Variants in FAM86B2 observed in about 807,000 individuals in gnomAD.
FAM86B2 encodes the protein putative protein N-methyltransferase FAM86B2.
FAM86B2 carries 1 observed loss-of-function variant against 26.5 expected under a neutral mutation model. The observed-to-expected ratio is 0.04, with a 90% CI of 0.01 to 0.18. The LOEUF (loss-of-function observed/expected upper bound fraction) is 0.18, where lower values mean the gene tolerates loss of function less well. Ranked by LOEUF, FAM86B2 falls within the 10% of genes least tolerant of loss-of-function variation. The pLI, the probability that FAM86B2 is intolerant of heterozygous loss-of-function variation, is 1.00. For synonymous variants in FAM86B2, 11 were observed against 127.8 expected (o/e 0.09, Z 6.17); for missense variants, 43 against 303.5 (o/e 0.14, Z 6.38).
chr8:12,426,126 C>T, intron 7 of FAM86B2, 137 bp from the exon 8 acceptor site: 1 of 439,158 alleles, frequency 2.3e-6, no homozygotes. Context: ...TTCGGAGGCC[C>T]ACCCACATAC....
chr8:12,431,593 T>C (rs1798178569), intron 3 of FAM86B2, among the ~76,000 whole-genome samples: 1 of 81,264 alleles, frequency 1.2e-5, no homozygotes, highest in Non-Finnish European at 2.3e-5. Context: ...ATAAAATCCA[T>C]CCTATATCAG....
In FAM86B2 at chr8:12,430,457, G is replaced by A; in HGVS notation, c.241-6C>T. The A allele has an allele frequency of 1.9e-6, 3 of 1,599,984 alleles. No homozygotes were observed. The highest frequency in any genetic ancestry group is 1.3e-5 in the African/African-American group (1 of 74,386). On this transcript the variant is annotated splice_region_variant and splice_polypyrimidine_tract_variant and intron_variant, in intron 3 of 7. Transcript: ENST00000262365. ...TCCGTGTGGACAGCCTCGTGCTGGG[G>A]GCAGACAGAGTGAGAGCTTGTTTGC...
chr8:12,435,867 C>T (rs1478501615), intron 1 of FAM86B2, among the ~76,000 whole-genome samples: 1 of 141,090 alleles, frequency 7.1e-6, no homozygotes, highest in African/African-American at 2.6e-5. Context: ...TCACCACGCT[C>T]AGGAGGAGGT....
rs1812583618 is a variant in FAM86B2, at chr8:12,425,272, ACTC to A, written c.*614_*616del. Among the ~76,000 whole-genome samples the A allele has an allele frequency of 2.1e-5, 1 of 48,724 alleles. No homozygotes were observed. Among genetic ancestry groups the A allele is most frequent in the African/African-American group, 6.1e-5 (1 of 16,376 alleles). The allele number at this position is 48,724 out of a possible 152,430, so 32.0% of individuals were successfully genotyped here. On this transcript the variant is annotated 3_prime_UTR_variant, in exon 8 of 8. Coordinates refer to ENST00000262365, the MANE Select transcript of FAM86B2 (RefSeq NM_001137610.3). ...GTGACTTCCCTGTGACCTCTGCAGT[ACTC>A]CTCATCCTGCATTTGGTCTCCAGGT...
chr8:12,426,289 G>T (rs1406530937), intron 7 of FAM86B2, among the ~76,000 whole-genome samples: 1 of 145,214 alleles, frequency 6.9e-6, no homozygotes, highest in East Asian at 2.0e-4. Flanking sequence ...CATCTCCCTG[G>T]CTGCTCAGTC....
At position 12,426,401 on chromosome 8, in the gene FAM86B2, G is replaced by A. The variant is rs548499810; in HGVS notation, c.893-412C>T. On this transcript the variant is annotated intron_variant, in intron 7 of 7. Transcript: ENST00000262365. ...AGGCTTATACTATGTGTGCTGCTTG[G>A]CACTGTTTTTTTCACTTAAAAGATA... Among the ~76,000 whole-genome samples the A allele has an allele frequency of 2.1e-3, 293 of 142,814 alleles. 3 individuals are homozygous for A. Among genetic ancestry groups the A allele is most frequent in the Middle Eastern group, 7.1e-3 (2 of 282 alleles). The allele number at this position is 142,814 out of a possible 152,430, so 93.7% of individuals were successfully genotyped here.
intron 2 of FAM86B2, among the ~76,000 whole-genome samples, chr8:12,433,836 G>C (rs1291963965): frequency 7.9e-6 from 1 of 126,314 alleles, no homozygotes; most frequent in Non-Finnish European, 1.7e-5. Flanking sequence ...GCAGAATTTT[G>C]TATATTCTGA....
chr8:12,428,413 A>G (rs1156523442), intron 6 of FAM86B2, among the ~76,000 whole-genome samples: 1 of 152,096 alleles, frequency 6.6e-6, no homozygotes, highest in Non-Finnish European at 1.5e-5. Context: ...GACGACTGTA[A>G]CGGGAGTATG....
chr8:12,434,779 C>A (rs1585379082), intron 1 of FAM86B2, among the ~76,000 whole-genome samples: 1 of 146,558 alleles, frequency 6.8e-6, no homozygotes, highest in East Asian at 2.0e-4. Context: ...TTCCCCAAAC[C>A]CTTCCCATGG....
At chr8:12,431,719 CG>C (rs1159239982) in intron 3 of FAM86B2, among the ~76,000 whole-genome samples, 1 of 52,446 alleles carries the variant, frequency 1.9e-5, no homozygotes, top group Admixed American at 2.7e-4. Context: ...AACCCAGAGA[CG>C]GACAAGAGCA....
chr8:12,428,441 G>T (rs1340376394), intron 6 of FAM86B2, among the ~76,000 whole-genome samples, 192 bp downstream of exon 6: 1 of 152,046 alleles, frequency 6.6e-6, no homozygotes, highest in Non-Finnish European at 1.5e-5. Context: ...CCAACAACAG[G>T]GCTGTGGCTT....
At chr8:12,428,447 G>C (rs1812997255) in intron 6 of FAM86B2, among the ~76,000 whole-genome samples, 186 bp downstream of exon 6, 1 of 152,068 alleles carries the variant, frequency 6.6e-6, no homozygotes, top group Admixed American at 6.6e-5. Context: ...ACAGGGCTGT[G>C]GCTTGAAGGT....
chr8:12,434,989 A>G (rs1237984715), intron 1 of FAM86B2, among the ~76,000 whole-genome samples: 1 of 151,370 alleles, frequency 6.6e-6, no homozygotes, highest in Non-Finnish European at 1.5e-5. Context: ...GCAGAGCCTC[A>G]TCTATCATGG....
chr8:12,426,317 G>T (rs1353508180), intron 7 of FAM86B2, among the ~76,000 whole-genome samples: 1,696 of 141,130 alleles, frequency 0.012, 23 homozygotes, highest in African/African-American at 0.044. Context: ...TCTTCACAAA[G>T]CTTAGAAAGT....
chr8:12,428,441 G>C (rs1340376394), intron 6 of FAM86B2, among the ~76,000 whole-genome samples, 192 bp downstream of exon 6: 1 of 152,046 alleles, frequency 6.6e-6, no homozygotes, highest in Non-Finnish European at 1.5e-5. Flanking sequence ...CCAACAACAG[G>C]GCTGTGGCTT....
chr8:12,426,187 G>A (rs1431222700), intron 7 of FAM86B2, among the ~76,000 whole-genome samples, 198 bp from the exon 8 acceptor site: 10 of 148,092 alleles, frequency 6.8e-5, no homozygotes, highest in African/African-American at 2.0e-4. Context: ...GCATAGAAAT[G>A]GCTAGCAGCA....
intron 1 of FAM86B2, among the ~76,000 whole-genome samples, chr8:12,435,613 T>TTGGGTGAGTCATTGCATTGG (rs1798602690): frequency 7.3e-6 from 1 of 137,842 alleles, no homozygotes; most frequent in African/African-American, 2.7e-5. Flanking sequence ...ACTCATCCAG[T>TTGGGTGAGTCATTGCATTGG]GAGCTCAATG....
intron 4 of FAM86B2, among the ~76,000 whole-genome samples, chr8:12,429,729 C>T (rs1462494635): frequency 7.0e-5 from 1 of 14,204 alleles, no homozygotes; most frequent in Non-Finnish European, 1.2e-4. Flanking sequence ...CCTCCACCTC[C>T]CGGGTTCAAG....
At chr8:12,427,484 G>GC in intron 7 of FAM86B2, 173 bp downstream of exon 7, 2 of 500,768 alleles carry the variant, frequency 4.0e-6, no homozygotes, top group African/African-American at 2.9e-5. Context: ...CCTGCCTCAA[G>GC]CCCCCCACGC....
Sources: gnomAD v4.1 joint callset for allele counts (sites outside exome capture counted in the v4.1 genomes callset) on GRCh38, gnomAD v4.1.1 for gene constraint, MANE v1.5 for transcripts, NCBI Gene and HGNC (gene_info 2026-07-23, HGNC 2026-07-21) for gene names.